The following FAM162A variants were observed in gnomAD, a reference collection of about 807,000 sequenced individuals.
FAM162A encodes protein FAM162A.
In FAM162A, 23 loss-of-function variants were observed where a neutral mutation model predicts 21.8. The observed-to-expected ratio is 1.05, with a 90% CI of 0.76 to 1.49. The LOEUF is 1.49. Among genes scored for constraint, FAM162A ranks in the 40% most tolerant of loss-of-function variants. The pLI is 0.00. For missense variants in FAM162A, 165 were observed against 186.4 expected (o/e 0.89, Z 0.67); for synonymous variants, 53 against 61.3 (o/e 0.86, Z 0.64).
At chr3:122,407,202 A>T in intron 3 of FAM162A, 79 bp from the exon 4 acceptor site, 2 of 1,165,526 alleles carry the variant, frequency 1.7e-6, no homozygotes, top group African/African-American at 1.5e-5. Context: ...TTTTGAATTT[A>T]TACACAGCCT....
intron 1 of FAM162A, among the ~76,000 whole-genome samples, chr3:122,390,899 C>T (rs1469176315): frequency 1.3e-5 from 2 of 152,146 alleles, no homozygotes; most frequent in Non-Finnish European, 2.9e-5. Flanking sequence ...CTGCTAGGGC[C>T]CTGGAGACAC....
intron 1 of FAM162A, among the ~76,000 whole-genome samples, chr3:122,387,807 A>G (rs1029898079): frequency 2.0e-5 from 3 of 152,140 alleles, no homozygotes; most frequent in African/African-American, 7.2e-5. Context: ...AACATATATA[A>G]TATACCATTG....
intron 2 of FAM162A, among the ~76,000 whole-genome samples, chr3:122,403,910 A>C (rs2075665296): frequency 6.6e-6 from 1 of 152,128 alleles, no homozygotes; most frequent in African/African-American, 2.4e-5. Context: ...AAGCCTTCCT[A>C]AAACATTAGT....
chr3:122,389,884 GT>G (rs1209474007), intron 1 of FAM162A, among the ~76,000 whole-genome samples: 2 of 152,040 alleles, frequency 1.3e-5, no homozygotes, highest in African/African-American at 4.8e-5. Flanking sequence ...ATCATTTAAA[GT>G]TTGTTTTACT....
intron 1 of FAM162A, among the ~76,000 whole-genome samples, chr3:122,391,943 C>A (rs1255094562): frequency 6.6e-6 from 1 of 152,194 alleles, no homozygotes; most frequent in African/African-American, 2.4e-5. Context: ...TAGTATCTAA[C>A]ATATGTATAA....
intron 1 of FAM162A, among the ~76,000 whole-genome samples, chr3:122,400,980 A>G (rs2075650727): frequency 6.6e-6 from 1 of 152,182 alleles, no homozygotes; most frequent in Non-Finnish European, 1.5e-5. Flanking sequence ...TTAATATCTT[A>G]AATATGTTTT....
intron 3 of FAM162A, among the ~76,000 whole-genome samples, chr3:122,406,259 A>C (rs551626609): frequency 2.0e-5 from 3 of 152,314 alleles, no homozygotes; most frequent in Admixed American, 2.0e-4. Flanking sequence ...GTTCTGCCAG[A>C]CACCGAGGTA....
intron 1 of FAM162A, among the ~76,000 whole-genome samples, chr3:122,397,451 A>C: frequency 6.6e-6 from 1 of 152,186 alleles, no homozygotes; most frequent in East Asian, 1.9e-4. Context: ...CATTCAATAC[A>C]AGTCTTGGAC....
intron 1 of FAM162A, among the ~76,000 whole-genome samples, chr3:122,393,155 T>C (rs1267891595): frequency 6.6e-6 from 1 of 152,142 alleles, no homozygotes; most frequent in Non-Finnish European, 1.5e-5. Context: ...ACAAAATAAA[T>C]GAGGCCTTTT....
At chr3:122,392,807 A>T (rs1459785926) in intron 1 of FAM162A, among the ~76,000 whole-genome samples, 1 of 152,244 alleles carries the variant, frequency 6.6e-6, no homozygotes, top group Non-Finnish European at 1.5e-5. Flanking sequence ...TCATAACTGC[A>T]TAATTAACTT....
intron 1 of FAM162A, among the ~76,000 whole-genome samples, chr3:122,401,076 T>C (rs1021376861): frequency 1.3e-5 from 2 of 152,220 alleles, no homozygotes; most frequent in Admixed American, 6.5e-5. Flanking sequence ...CTTTTGAAAG[T>C]TGAGTAATAA....
rs925924234 is a variant in FAM162A at position 122,411,159 on chromosome 3, A to G, written c.*1328A>G. On this transcript the variant is annotated 3_prime_UTR_variant, in exon 5 of 5. Transcript: ENST00000477892. The stretch of plus-strand genomic sequence containing the variant: ...GCCATGCCAACATGCTGGTTCTCAG[A>G]GAGTTATAAGAGAGATTAAAAATAC... 3 of 152,162 alleles carry G rather than the reference A, an allele frequency of 2.0e-5. No homozygotes were observed. The highest frequency in any genetic ancestry group is 4.4e-5 in the Non-Finnish European group (3 of 68,038). The allele number at this position is 152,162 out of a possible 1,614,324, so 9.4% of individuals were successfully genotyped here. A position where few individuals can be genotyped will look rare whatever the true frequency, so the allele number is the denominator to read the frequency against.
chr3:122,404,110 C>T (rs1279198976), intron 2 of FAM162A, 148 bp from the exon 3 acceptor site: 8 of 383,692 alleles, frequency 2.1e-5, no homozygotes, highest in Non-Finnish European at 3.8e-5. Flanking sequence ...CTAAGAAATT[C>T]CATTCAAATA....
At chr3:122,403,546 G>A (rs904503401) in intron 2 of FAM162A, among the ~76,000 whole-genome samples, 13 of 152,056 alleles carry the variant, frequency 8.5e-5, no homozygotes, top group Non-Finnish European at 1.2e-4. Flanking sequence ...CTCTATTCCC[G>A]ACTTATTAAT....
At position 122,407,367 on chromosome 3, in the gene FAM162A, T is replaced by G; in HGVS notation, c.350T>G (p.Phe117Cys). The G allele has an allele frequency of 1.2e-6, 2 of 1,613,982 alleles. No individual in the cohort carries two copies. The highest frequency in any genetic ancestry group is 1.7e-6 in the Non-Finnish European group (2 of 1,179,892). ...MIALTVVGCI[F>C]MVIEGKKAAQ... ...GCCCTGACGGTGGTAGGATGCATCT[T>G]CATGGTTATTGAGGGCAAGAAGGTG... Residue 117 changes from phenylalanine to cysteine, a missense_variant, in exon 4 of 5, where the codon TTC becomes TGC. Physicochemically the swap from Phe to Cys is radical, Grantham distance 205. Transcript: ENST00000477892.
chr3:122,389,398 GATA>G (rs2107695263), intron 1 of FAM162A, among the ~76,000 whole-genome samples: 1 of 143,922 alleles, frequency 6.9e-6, no homozygotes, highest in African/African-American at 2.6e-5. Context: ...TAGATAGATA[GATA>G]GATAGATAGA....
chr3:122,387,448 C>T (rs368886299), intron 1 of FAM162A, among the ~76,000 whole-genome samples: 2 of 152,088 alleles, frequency 1.3e-5, no homozygotes, highest in Non-Finnish European at 2.9e-5. Context: ...GTAATTTAGT[C>T]CTCTAATTTT....
intron 1 of FAM162A, among the ~76,000 whole-genome samples, chr3:122,398,111 A>G (rs2075637601): frequency 6.6e-6 from 1 of 152,258 alleles, no homozygotes; most frequent in Non-Finnish European, 1.5e-5. Context: ...AACGTAAGGA[A>G]GTGCAAGAAA....
At chr3:122,399,445 A>T (rs2075643522) in intron 1 of FAM162A, among the ~76,000 whole-genome samples, 1 of 152,162 alleles carries the variant, frequency 6.6e-6, no homozygotes, top group African/African-American at 2.4e-5. Context: ...CTCATGCCTC[A>T]GCTACCCAAG....
Sources: allele counts gnomAD v4.1 joint callset (sites outside exome capture counted in the v4.1 genomes callset), GRCh38; gene constraint gnomAD v4.1.1; transcripts MANE v1.5; gene names NCBI Gene and HGNC (gene_info 2026-07-23, HGNC 2026-07-21).